The following TP53I13 variants were observed in gnomAD, a reference collection of about 807,000 sequenced individuals.
The protein encoded by TP53I13 is tumor protein p53 inducible protein 13.
TP53I13 carries 27 observed loss-of-function variants against 39.1 expected under a neutral mutation model. The observed-to-expected ratio is 0.69, with a 90% CI of 0.51 to 0.95. The LOEUF is 0.95. Ranked by LOEUF, TP53I13 falls within the 40% of genes least tolerant of loss-of-function variation. The pLI is 0.00. For missense variants in TP53I13, 544 were observed against 520.4 expected (o/e 1.05, Z -0.44); for synonymous variants, 230 against 224.6 (o/e 1.02, Z -0.22).
Position 29,572,410 on chromosome 17 carries a change from G to A in TP53I13, c.782G>A (p.Gly261Asp), listed in dbSNP as rs200812505. The A allele has an allele frequency of 7.1e-5, 113 of 1,591,590 alleles. No homozygotes were observed. In the African/African-American group the frequency reaches 1.3e-3, roughly 19 times the overall value. The change falls in exon 6 of 7, where the codon GGC becomes GAC. Residue 261 changes from glycine (G) to aspartate (D), a missense_variant. By Grantham distance (94) the Gly-to-Asp change is moderately conservative. Transcript: ENST00000301057. ...TCCCTGCTGCCGGGGGCGCCTGGAGGCAATGCCAGCTCCAGGACAGAGGCT... is the reference window on the plus strand; with the variant it reads ...TCCCTGCTGCCGGGGGCGCCTGGAGACAATGCCAGCTCCAGGACAGAGGCT... Reference protein sequence around the residue: ...TVSLLPGAPGGNASSRTEAQV... With the variant: ...TVSLLPGAPGDNASSRTEAQV...
downstream of TP53I13, chr17:29,574,350 G>A (rs538028952): frequency 1.3e-5 from 4 of 310,636 alleles, no homozygotes; most frequent in South Asian, 3.5e-5. Context: ...GCGCATGTAC[G>A]GAGAGCTGCC....
At chr17:29,577,998 G>A (rs1320763605), downstream of TP53I13, among the ~76,000 whole-genome samples, 2 of 152,252 alleles carry the variant, frequency 1.3e-5, no homozygotes, top group African/African-American at 4.8e-5. Context: ...TCCGGCTGTG[G>A]CCAGGAAGGA....
At chr17:29,581,226 G>T in the TP53I13 span, 14 of 787,852 alleles carry the variant, frequency 1.8e-5, no homozygotes, top group African/African-American at 6.8e-5. The surrounding 1 kb of genome is among the most constrained non-coding windows in gnomAD (Gnocchi z 4.8). Flanking sequence ...CTAGTCTCTG[G>T]GGGGAGGGAG....
At chr17:29,582,033 C>T in the TP53I13 span, 12 of 1,612,094 alleles carry the variant, frequency 7.4e-6, no homozygotes, top group East Asian at 2.2e-5. Flanking sequence ...TTGGCAGCCA[C>T]GTGCAGAGGT....
chr17:29,568,771 C>G lies in TP53I13; in HGVS notation c.13C>G (p.Pro5Ala), dbSNP rs752242897. ...GGGGCCGCTTGGAATGGCGCCTCCT[C>G]CGCCTTCGCCCCAACTGCTTCTCCT... is the stretch of plus-strand genomic sequence containing the variant. MAPP[P>A]PSPQLLLLAA... Residue 5 changes from proline to alanine, a missense_variant, in exon 1 of 7, where the codon CCG becomes GCG. Transcript: ENST00000301057. The surrounding 1 kb of genome is among the most constrained non-coding windows in gnomAD (Gnocchi z 4.5). 1 of 1,590,854 alleles carries G rather than the reference C, an allele frequency of 6.3e-7. No homozygotes were observed. The highest frequency in any genetic ancestry group is 8.5e-7 in the Non-Finnish European group (1 of 1,176,336).
chr17:29,574,512 GCC>G, downstream of TP53I13: 1 of 644,970 alleles, frequency 1.6e-6, no homozygotes, highest in Admixed American at 2.5e-5. Flanking sequence ...AGAAGCTCCT[GCC>G]CCCCCACCTC....
chr17:29,578,628 T>G, the TP53I13 span: 22 of 1,106,986 alleles, frequency 2.0e-5, no homozygotes, highest in Admixed American at 3.7e-4. Flanking sequence ...GTCAAAGACT[T>G]GGAAAAGGTC....
In TP53I13 at chr17:29,572,035, T is replaced by C. The variant is rs1478044449; in HGVS notation, c.491T>C (p.Leu164Pro). The stretch of plus-strand genomic sequence containing the variant: ...GAGCCAACTCCCGGTAGAGGGAGGC[T>C]GTGCCGAAGAGGGTGTGTGCAGGTG... The part of the protein sequence containing the change: ...PSEPTPGRGR[L>P]CRRGCVQALA... Residue 164 changes from leucine (L) to proline (P), a missense_variant, in exon 5 of 7, where the codon CTG (leucine) becomes CCG (proline). Coordinates refer to ENST00000301057, the MANE Select transcript of TP53I13 (RefSeq NM_138349.4). The C allele has an allele frequency of 6.2e-7, 1 of 1,613,050 alleles. No homozygotes were observed. The highest frequency in any genetic ancestry group is 8.5e-7 in the Non-Finnish European group (1 of 1,180,022).
the TP53I13 span, chr17:29,581,571 A>G: frequency 1.4e-6 from 1 of 695,078 alleles, no homozygotes; most frequent in Non-Finnish European, 2.5e-6. This position sits in a 1 kb window ranked among gnomAD's most constrained non-coding sequence, Gnocchi z 4.8. Flanking sequence ...CCCTAGCCCC[A>G]GCGATGCTAT....
At chr17:29,566,688 C>T, upstream of TP53I13, 8 of 1,591,620 alleles carry the variant, frequency 5.0e-6, no homozygotes, top group Non-Finnish European at 6.0e-6. Flanking sequence ...GGCCGGCCTC[C>T]AGCGCCTCTG....
In TP53I13 at chr17:29,572,138, T is replaced by C. The variant is rs1353522085; in HGVS notation, c.514-4T>C. The C allele has an allele frequency of 1.2e-6, 2 of 1,609,112 alleles. No homozygotes were observed. The highest frequency in any genetic ancestry group is 8.5e-7 in the Non-Finnish European group (1 of 1,177,280). ...AGGGTGATTGCTCTCTCTCCTCTCCTTAGGCCCTGGCTCTGGCCTTTGCTC... is the reference window on the plus strand; with the variant it reads ...AGGGTGATTGCTCTCTCTCCTCTCCCTAGGCCCTGGCTCTGGCCTTTGCTC... On this transcript the variant is annotated splice_region_variant and splice_polypyrimidine_tract_variant and intron_variant, in intron 5 of 6. Transcript: ENST00000301057.
chr17:29,573,610 T>G (rs1235755113), downstream of TP53I13: 1 of 152,506 alleles, frequency 6.6e-6, no homozygotes, highest in Non-Finnish European at 1.5e-5. Context: ...ACCGTCTGCC[T>G]CTCCAGCCTT....
At chr17:29,576,852 G>T, downstream of TP53I13, 1 of 1,576,926 alleles carries the variant, frequency 6.3e-7, no homozygotes, top group East Asian at 2.3e-5. Context: ...GAAGGAGGGT[G>T]GGACTCAGAC....
At chr17:29,566,546 C>G (rs780459473), upstream of TP53I13, 7 of 1,610,272 alleles carry the variant, frequency 4.3e-6, no homozygotes, top group Non-Finnish European at 5.9e-6. Context: ...CAAGGTCCTA[C>G]CACCCAGTCC....
rs1043723060 is a variant in TP53I13 at position 29,572,861 on chromosome 17, G to C, written c.1119G>C (p.Ser373=). 2.0e-6 allele frequency: 3 copies of C among 1,523,724 alleles called. No homozygotes were observed. The highest frequency in any genetic ancestry group is 2.6e-6 in the Non-Finnish European group (3 of 1,142,598). The allele number at this position is 1,523,724 out of a possible 1,614,324, so 94.4% of individuals were successfully genotyped here. ...LLQPSRRVKR[S]RRRPLLPPTP... ...AGCCCTCGCGCCGGGTCAAGCGCTC[G>C]CGCCGGAGACCCCTCCTCCCGCCCA... is the stretch of plus-strand genomic sequence containing the variant. The change falls in exon 7 of 7, where the codon TCG becomes TCC. Residue 373 remains serine, a synonymous_variant. Coordinates refer to ENST00000301057, the MANE Select transcript of TP53I13 (RefSeq NM_138349.4).
the TP53I13 span, chr17:29,581,404 GTCAC>G: frequency 1.3e-6 from 2 of 1,599,350 alleles, no homozygotes; most frequent in East Asian, 2.2e-5. The surrounding 1 kb of genome is among the most constrained non-coding windows in gnomAD (Gnocchi z 4.8). Context: ...AAAATGCCAA[GTCAC>G]TCACTAGTGC....
chr17:29,570,528 A>C (rs1209842105), intron 3 of TP53I13: 1 of 151,752 alleles, frequency 6.6e-6, no homozygotes, highest in South Asian at 2.1e-4. Flanking sequence ...AATTCTCTGT[A>C]ATAGCTCCAG....
downstream of TP53I13, chr17:29,577,145 T>C (rs1018333380): frequency 6.2e-7 from 1 of 1,613,514 alleles, no homozygotes; most frequent in Non-Finnish European, 8.5e-7. Context: ...CCTGTGGGGC[T>C]GCTCAGGCTC....
downstream of TP53I13, chr17:29,574,837 C>T (rs201810676): frequency 6.5e-5 from 105 of 1,606,860 alleles, no homozygotes; most frequent in East Asian, 1.9e-3. Context: ...GCACTGTCTT[C>T]CGGCACTCAC....
Sources: allele counts gnomAD v4.1 joint callset (sites outside exome capture counted in the v4.1 genomes callset), GRCh38; gene constraint gnomAD v4.1.1; non-coding constraint Gnocchi (gnomAD v3.1); transcripts MANE v1.5; gene names NCBI Gene and HGNC (gene_info 2026-07-23, HGNC 2026-07-21).